The following NEGR1 variants were observed in gnomAD, a reference collection of about 807,000 sequenced individuals.
The protein encoded by NEGR1 is neuronal growth regulator 1.
Under a neutral mutation model 40.9 loss-of-function variants are expected in NEGR1, and 10 were observed. The observed-to-expected ratio is 0.24, with a 90% CI of 0.15 to 0.42. NEGR1 has a LOEUF of 0.42. NEGR1 is among the 10% of genes least tolerant of loss of function. NEGR1 has a pLI of 1.00. For synonymous variants in NEGR1, 185 were observed against 166.8 expected (o/e 1.11, Z -0.84); for missense variants, 352 against 438.9 (o/e 0.80, Z 1.77).
chr1:71,658,540 C>T (rs765875682), intron 4 of NEGR1, among the ~76,000 whole-genome samples: 13 of 151,920 alleles, frequency 8.6e-5, no homozygotes, highest in African/African-American at 2.4e-4. Context: ...TTGTTTATTA[C>T]GGCAAATGGT....
chr1:71,527,655 T>A (rs1334794040), intron 6 of NEGR1, among the ~76,000 whole-genome samples: 1 of 151,500 alleles, frequency 6.6e-6, no homozygotes, highest in Non-Finnish European at 1.5e-5. Context: ...CTTCTGTGGA[T>A]TACTTATGGG....
intron 6 of NEGR1, among the ~76,000 whole-genome samples, chr1:71,574,601 G>A (rs1361226306): frequency 6.6e-6 from 1 of 152,102 alleles, no homozygotes; most frequent in Non-Finnish European, 1.5e-5. Context: ...AGTAGGTGAT[G>A]GGAGTTTATA....
chr1:72,152,082 A>G (rs1651147578), intron 1 of NEGR1, among the ~76,000 whole-genome samples: 1 of 151,828 alleles, frequency 6.6e-6, no homozygotes, highest in Non-Finnish European at 1.5e-5. Context: ...ATCCTACGCA[A>G]GCTTATATGA....
chr1:71,713,314 T>G (rs886560601), intron 3 of NEGR1, among the ~76,000 whole-genome samples: 30 of 152,342 alleles, frequency 2.0e-4, no homozygotes, highest in Middle Eastern at 3.4e-3. Context: ...AAGGTCTACC[T>G]CTGGCATCCT....
At chr1:71,928,512 G>GTATA (rs994411417) in intron 2 of NEGR1, among the ~76,000 whole-genome samples, 1 of 89,180 alleles carries the variant, frequency 1.1e-5, no homozygotes, top group African/African-American at 4.3e-5. Flanking sequence ...GTATACATGT[G>GTATA]TATATATATA....
intron 1 of NEGR1, among the ~76,000 whole-genome samples, chr1:72,210,612 C>T (rs1348104442): frequency 2.0e-5 from 3 of 151,878 alleles, no homozygotes; most frequent in African/African-American, 7.2e-5. Flanking sequence ...GAATTTCTGA[C>T]ATCTTGATTC....
At chr1:71,805,388 A>G (rs1053850885) in intron 2 of NEGR1, among the ~76,000 whole-genome samples, 2 of 152,060 alleles carry the variant, frequency 1.3e-5, no homozygotes, top group African/African-American at 2.4e-5. Context: ...AGGGGGCATC[A>G]CGGAACCTGC....
chr1:71,888,577 A>G (rs546447763), intron 2 of NEGR1, among the ~76,000 whole-genome samples: 432 of 148,648 alleles, frequency 2.9e-3, no homozygotes, highest in South Asian at 9.5e-3. Context: ...CGCCCACGGA[A>G]TCTCGCTGAT....
rs534777383 is a variant in NEGR1, at chr1:71,556,219, TCTCTGCTGC to T, written c.940+36589_940+36597del. Among the ~76,000 whole-genome samples the T allele has an allele frequency of 5.5e-3, 835 of 151,720 alleles. 5 individuals are homozygous for T. The highest frequency in any genetic ancestry group is 9.2e-3 in the Non-Finnish European group (622 of 67,700). On this transcript the variant is annotated intron_variant, in intron 6 of 6. Coordinates refer to ENST00000357731, the MANE Select transcript of NEGR1 (RefSeq NM_173808.3). ...CTGTTTTGCAAGGAAATCTGGGGTT[TCTCTGCTGC>T]CTTTTAGCATTTGAAGCATAGAACT...
At chr1:72,132,850 T>A (rs915146605) in intron 1 of NEGR1, among the ~76,000 whole-genome samples, 1 of 152,172 alleles carries the variant, frequency 6.6e-6, no homozygotes, top group Non-Finnish European at 1.5e-5. Flanking sequence ...AGTAAAGTTA[T>A]GACTAATCAA....
rs977734104 is a variant in NEGR1 at position 71,936,495 on chromosome 1, G to A, written c.177-1184C>T. ...CAAAGAGAGTTACTTGACTCAGGGCGTTGAAGGCATAAAGGCCTTCTGAAA... is the reference window on the plus strand; with the variant it reads ...CAAAGAGAGTTACTTGACTCAGGGCATTGAAGGCATAAAGGCCTTCTGAAA... On this transcript the variant is annotated intron_variant, in intron 1 of 6. Transcript: ENST00000357731. 7.2e-5 allele frequency among the ~76,000 whole-genome samples: 11 copies of A among 152,242 alleles called. No individual in the cohort carries two copies. In the South Asian group the frequency reaches 8.3e-4, roughly 11 times the overall value.
Position 72,171,265 on chromosome 1 carries a change from T to G in NEGR1, c.176+111054A>C, listed in dbSNP as rs139368136. Among the ~76,000 whole-genome samples, 579 of 152,180 alleles carry G rather than the reference T, an allele frequency of 3.8e-3. 4 individuals carry two copies. The highest frequency in any genetic ancestry group is 0.013 in the African/African-American group (556 of 41,512). On this transcript the variant is annotated intron_variant, in intron 1 of 6. Transcript: ENST00000357731. ...ACAGTAGCTATAAATATTACTAGAG[T>G]TACATCAATCTCAATATAAAGATAT...
At chr1:71,561,293 C>T (rs1443092495) in intron 6 of NEGR1, among the ~76,000 whole-genome samples, 1 of 151,598 alleles carries the variant, frequency 6.6e-6, no homozygotes, top group East Asian at 1.9e-4. Flanking sequence ...TTTCCCATAG[C>T]CCATGTTATT....
At chr1:72,172,096 G>C (rs538743410) in intron 1 of NEGR1, among the ~76,000 whole-genome samples, 40 of 152,260 alleles carry the variant, frequency 2.6e-4, no homozygotes, top group African/African-American at 7.7e-4. Flanking sequence ...TCAGCAGTAG[G>C]TGGAAGGATG....
intron 4 of NEGR1, among the ~76,000 whole-genome samples, chr1:71,685,326 T>TC (rs1652994098): frequency 6.6e-6 from 1 of 150,556 alleles, no homozygotes; most frequent in African/African-American, 2.4e-5. Context: ...GACATTACTT[T>TC]TTTTTTTTTT....
chr1:71,509,120 A>C (rs1199752130), intron 6 of NEGR1, among the ~76,000 whole-genome samples: 1 of 152,230 alleles, frequency 6.6e-6, no homozygotes, highest in Non-Finnish European at 1.5e-5. Flanking sequence ...CGAATGGATC[A>C]AATTTTTGGT....
At chr1:71,949,964 AATAG>A (rs1307934609) in intron 1 of NEGR1, among the ~76,000 whole-genome samples, 2 of 152,090 alleles carry the variant, frequency 1.3e-5, no homozygotes, top group East Asian at 3.9e-4. Context: ...GGCCAGGTAA[AATAG>A]ATAAAGAATG....
chr1:72,012,582 A>C (rs1407736161), intron 1 of NEGR1, among the ~76,000 whole-genome samples: 2 of 152,124 alleles, frequency 1.3e-5, no homozygotes, highest in South Asian at 2.1e-4. Flanking sequence ...GAACAGAAAA[A>C]GTTTGAATTT....
At chr1:71,576,951 T>C (rs1648983816) in intron 6 of NEGR1, among the ~76,000 whole-genome samples, 1 of 152,210 alleles carries the variant, frequency 6.6e-6, no homozygotes, top group Admixed American at 6.5e-5. Context: ...GATACAGTGA[T>C]GCTATTCCAA....
Sources: allele counts gnomAD v4.1 joint callset (sites outside exome capture counted in the v4.1 genomes callset), GRCh38; gene constraint gnomAD v4.1.1; transcripts MANE v1.5; gene names NCBI Gene and HGNC (gene_info 2026-07-23, HGNC 2026-07-21).